The following CDH12 variants were observed in gnomAD, a reference collection of about 807,000 sequenced individuals.
CDH12 encodes cadherin-12.
Under a neutral mutation model 74.1 loss-of-function variants are expected in CDH12, and 41 were observed. The observed-to-expected ratio is 0.55, with a 90% CI of 0.43 to 0.72. The LOEUF is 0.72. CDH12 is among the 30% of genes least tolerant of loss of function. CDH12 has a pLI of 0.00. For missense variants in CDH12, 945 were observed against 977.2 expected (o/e 0.97, Z 0.44); for synonymous variants, 399 against 355.0 (o/e 1.12, Z -1.39).
intron 9 of CDH12, among the ~76,000 whole-genome samples, chr5:21,815,226 A>T (rs1230292177): frequency 6.6e-6 from 1 of 152,156 alleles, no homozygotes; most frequent in Non-Finnish European, 1.5e-5. Flanking sequence ...CTAAATGCAA[A>T]GTATTTATTC....
At chr5:22,300,991 G>A (rs989228854) in intron 3 of CDH12, among the ~76,000 whole-genome samples, 2 of 152,072 alleles carry the variant, frequency 1.3e-5, no homozygotes, top group African/African-American at 4.8e-5. Context: ...AACAATAAGA[G>A]TATTTTTGAC....
chr5:22,738,384 C>A (rs1744851987), intron 1 of CDH12, among the ~76,000 whole-genome samples: 1 of 151,962 alleles, frequency 6.6e-6, no homozygotes, highest in Admixed American at 6.6e-5. Context: ...ACCTAGAGTG[C>A]AGCCAAATTG....
At chr5:22,299,575 A>G (rs759478237) in intron 3 of CDH12, among the ~76,000 whole-genome samples, 62 of 152,152 alleles carry the variant, frequency 4.1e-4, no homozygotes, top group Admixed American at 7.9e-4. Context: ...CTGATTAATG[A>G]TCTCTATGAG....
chr5:22,146,378 A>G (rs1747178490), intron 4 of CDH12, among the ~76,000 whole-genome samples: 1 of 152,120 alleles, frequency 6.6e-6, no homozygotes, highest in Non-Finnish European at 1.5e-5. Flanking sequence ...TCCTCCTTGT[A>G]TCAATCAGGA....
At chr5:22,692,792 T>C (rs1742152887) in intron 1 of CDH12, among the ~76,000 whole-genome samples, 1 of 152,026 alleles carries the variant, frequency 6.6e-6, no homozygotes, top group Non-Finnish European at 1.5e-5. Context: ...AAAATTGCAT[T>C]CAAGACCAGA....
intron 6 of CDH12, among the ~76,000 whole-genome samples, chr5:21,967,931 A>T (rs1368020743): frequency 6.6e-6 from 1 of 152,320 alleles, no homozygotes; most frequent in East Asian, 1.9e-4. Flanking sequence ...ATTGTGAAGC[A>T]CAAGTGGAAG....
intron 3 of CDH12, among the ~76,000 whole-genome samples, chr5:22,275,812 A>T (rs1736608673): frequency 6.6e-6 from 1 of 152,198 alleles, no homozygotes; most frequent in Non-Finnish European, 1.5e-5. Context: ...GAGAGTTAAT[A>T]GAAACTGTTT....
At chr5:22,540,681 T>C (rs546443045) in intron 1 of CDH12, among the ~76,000 whole-genome samples, 1 of 152,318 alleles carries the variant, frequency 6.6e-6, no homozygotes, top group South Asian at 2.1e-4. Context: ...CACCTACACA[T>C]AAATTTAAAG....
intron 6 of CDH12, among the ~76,000 whole-genome samples, chr5:21,933,205 A>G (rs942634569): frequency 4.6e-5 from 7 of 152,168 alleles, no homozygotes; most frequent in Non-Finnish European, 8.8e-5. Context: ...ATTTATAATT[A>G]TTTAATTTAA....
chr5:22,705,976 T>G (rs1742987344), intron 1 of CDH12, among the ~76,000 whole-genome samples: 1 of 152,122 alleles, frequency 6.6e-6, no homozygotes, highest in African/African-American at 2.4e-5. Flanking sequence ...CTTGAATAAC[T>G]GTCATAAAAC....
At chr5:21,794,242 T>G (rs559007084) in intron 10 of CDH12, among the ~76,000 whole-genome samples, 1 of 151,718 alleles carries the variant, frequency 6.6e-6, no homozygotes, top group Non-Finnish European at 1.5e-5. Context: ...ATCTCTATTT[T>G]CTTAGCAAAT....
chr5:22,089,239 C>A (rs567140918), intron 4 of CDH12, among the ~76,000 whole-genome samples: 1 of 152,048 alleles, frequency 6.6e-6, no homozygotes, highest in African/African-American at 2.4e-5. Flanking sequence ...ACAACAACCC[C>A]CAGGAAAGGG....
chr5:22,230,292 C>T (rs1413169188), intron 3 of CDH12, among the ~76,000 whole-genome samples: 1 of 152,014 alleles, frequency 6.6e-6, no homozygotes. Context: ...TTATTTATGA[C>T]TACTTTCCAG....
chr5:22,179,143 C>T (rs962143692), intron 4 of CDH12, among the ~76,000 whole-genome samples: 1 of 152,110 alleles, frequency 6.6e-6, no homozygotes, highest in African/African-American at 2.4e-5. Context: ...AGTGAGGAGA[C>T]TCCTGGTAAA....
At chr5:22,662,293 T>A (rs1484481546) in intron 1 of CDH12, among the ~76,000 whole-genome samples, 1 of 152,162 alleles carries the variant, frequency 6.6e-6, no homozygotes, top group East Asian at 1.9e-4. Context: ...CCCAAGGAAG[T>A]TATGGCATAT....
chr5:21,751,899 G>T lies in CDH12; in HGVS notation c.2223C>A (p.Tyr741Ter). 6.2e-7 allele frequency: 1 copy of T among 1,614,054 alleles called. No individual in the cohort carries two copies. Among genetic ancestry groups the T allele is most frequent in the Non-Finnish European group, 8.5e-7 (1 of 1,179,996 alleles). Residue 741 changes from tyrosine (Y) to a stop codon, truncating the protein, a stop_gained, in exon 15 of 15, where the codon TAC becomes TAA. Transcript: ENST00000382254. LOFTEE classifies it high-confidence loss of function. ...ACTCTGCCACGGACCCACTCCCTTC[G>T]TAGGCATATGTGGCCAGTGAATCGT... ...PPYDSLATYA[Y>*]EGSGSVAESL...
intron 1 of CDH12, among the ~76,000 whole-genome samples, chr5:22,697,571 C>CAAAAAA (rs397997008): frequency 9.8e-6 from 1 of 102,236 alleles, no homozygotes; most frequent in African/African-American, 3.7e-5. Context: ...GACTCTGTCT[C>CAAAAAA]AAAAAAAAAA....
At chr5:22,083,476 C>G (rs753791885) in intron 4 of CDH12, among the ~76,000 whole-genome samples, 1 of 152,096 alleles carries the variant, frequency 6.6e-6, no homozygotes, top group Non-Finnish European at 1.5e-5. Flanking sequence ...CTGGGGTCTA[C>G]ACTATTACCT....
chr5:22,110,292 A>ACCTCTTCTTCC (rs1171123531), intron 4 of CDH12, among the ~76,000 whole-genome samples: 2 of 151,924 alleles, frequency 1.3e-5, no homozygotes, highest in African/African-American at 4.8e-5. Context: ...TTCAGGGTGA[A>ACCTCTTCTTCC]CCTCTTCTTC....
Sources: allele counts gnomAD v4.1 joint callset (sites outside exome capture counted in the v4.1 genomes callset), GRCh38; gene constraint gnomAD v4.1.1; transcripts MANE v1.5; gene names NCBI Gene and HGNC (gene_info 2026-07-23, HGNC 2026-07-21).